Variants in GOLPH3 observed in about 807,000 individuals in gnomAD.
GOLPH3 encodes the protein coat protein GPP34.
A neutral mutation model predicts 28.5 loss-of-function variants in GOLPH3; 14 were observed. The ratio of observed to expected loss-of-function variants is 0.49; its 90% CI spans 0.32 to 0.77. The LOEUF is 0.77. GOLPH3 is among the 30% of genes least tolerant of loss of function. The probability of loss-of-function intolerance (pLI) is 0.03; values close to 1 mark genes in which losing one functional copy is unlikely to be tolerated. For synonymous variants in GOLPH3, 158 were observed against 159.2 expected (o/e 0.99, Z 0.06); for missense variants, 350 against 393.7 (o/e 0.89, Z 0.94).
chr5:32,148,624 C>G (rs1170800586), intron 1 of GOLPH3, among the ~76,000 whole-genome samples: 1 of 152,098 alleles, frequency 6.6e-6, no homozygotes, highest in Non-Finnish European at 1.5e-5. Context: ...GGTGAAACCC[C>G]ATCTCTACTA....
chr5:32,127,934 G>A (rs951973143), intron 3 of GOLPH3, among the ~76,000 whole-genome samples: 8 of 152,014 alleles, frequency 5.3e-5, no homozygotes, highest in Admixed American at 2.0e-4. Context: ...CTAGAGGCAC[G>A]TCCCAGGCAG....
At chr5:32,160,409 T>C (rs1392158836) in intron 1 of GOLPH3, among the ~76,000 whole-genome samples, 1 of 152,122 alleles carries the variant, frequency 6.6e-6, no homozygotes, top group African/African-American at 2.4e-5. Context: ...TAATTTTAAC[T>C]CAATAAACTC....
intron 3 of GOLPH3, among the ~76,000 whole-genome samples, chr5:32,134,360 TA>T (rs1745887348): frequency 6.6e-6 from 1 of 151,942 alleles, no homozygotes; most frequent in Non-Finnish European, 1.5e-5. Context: ...CATGTGCCAC[TA>T]TGTCTGGCTA....
chr5:32,142,478 G>GC (rs1393253432), intron 2 of GOLPH3, among the ~76,000 whole-genome samples: 1 of 149,826 alleles, frequency 6.7e-6, no homozygotes. Context: ...GAGGTGGGGG[G>GC]GTCAGCCCCC....
At chr5:32,156,967 A>G (rs1746445154) in intron 1 of GOLPH3, among the ~76,000 whole-genome samples, 1 of 152,222 alleles carries the variant, frequency 6.6e-6, no homozygotes, top group Non-Finnish European at 1.5e-5. Context: ...TAACTAAATA[A>G]TGATTGGATT....
chr5:32,163,326 G>T (rs1200043532), intron 1 of GOLPH3, among the ~76,000 whole-genome samples: 1 of 152,168 alleles, frequency 6.6e-6, no homozygotes, highest in Non-Finnish European at 1.5e-5. Context: ...TCACTTTATT[G>T]AAATCATTCG....
intron 3 of GOLPH3, among the ~76,000 whole-genome samples, chr5:32,134,362 T>C (rs1165698601): frequency 6.6e-6 from 1 of 151,964 alleles, no homozygotes; most frequent in Non-Finnish European, 1.5e-5. Context: ...TGTGCCACTA[T>C]GTCTGGCTAA....
chr5:32,159,941 C>CA (rs1393742343), intron 1 of GOLPH3, among the ~76,000 whole-genome samples: 1 of 152,194 alleles, frequency 6.6e-6, no homozygotes, highest in Non-Finnish European at 1.5e-5. Flanking sequence ...GACATTTTGA[C>CA]AAGTCCTATG....
At chr5:32,130,637 G>A (rs1745808001) in intron 3 of GOLPH3, among the ~76,000 whole-genome samples, 1 of 152,004 alleles carries the variant, frequency 6.6e-6, no homozygotes, top group South Asian at 2.1e-4. Flanking sequence ...AAAAAGTCAA[G>A]AAACGAATTA....
intron 2 of GOLPH3, among the ~76,000 whole-genome samples, chr5:32,141,506 T>C (rs161529): frequency 2.0e-5 from 3 of 152,118 alleles, no homozygotes; most frequent in East Asian, 1.9e-4. Context: ...TATGCGTAAA[T>C]TGCACAATAA....
At chr5:32,130,619 AG>A (rs1745807307) in intron 3 of GOLPH3, among the ~76,000 whole-genome samples, 1 of 152,194 alleles carries the variant, frequency 6.6e-6, no homozygotes, top group Non-Finnish European at 1.5e-5. Context: ...CAAACAACAG[AG>A]GGGAAAAAAA....
At chr5:32,170,007 G>T (rs1746795695) in intron 1 of GOLPH3, among the ~76,000 whole-genome samples, 1 of 151,472 alleles carries the variant, frequency 6.6e-6, no homozygotes, top group Admixed American at 6.6e-5. Flanking sequence ...CTCCTAACAG[G>T]TAATCTGAAG....
At chr5:32,135,488 T>A (rs145583939) in intron 3 of GOLPH3, 84 bp downstream of exon 3, 3 of 808,708 alleles carry the variant, frequency 3.7e-6, no homozygotes, top group Non-Finnish European at 6.3e-6. Flanking sequence ...TTCTGGCTAT[T>A]TTGTGTAGGT....
At chr5:32,141,972 A>C (rs1426264454) in intron 2 of GOLPH3, among the ~76,000 whole-genome samples, 1 of 152,102 alleles carries the variant, frequency 6.6e-6, no homozygotes, top group Non-Finnish European at 1.5e-5. Flanking sequence ...ACCTCCCAGC[A>C]GCCTGCCTTG....
chr5:32,159,507 C>T (rs1164263379), intron 1 of GOLPH3, among the ~76,000 whole-genome samples: 4 of 152,156 alleles, frequency 2.6e-5, no homozygotes, highest in Non-Finnish European at 5.9e-5. Flanking sequence ...CTTTCCACAC[C>T]TGCCACTGAT....
intron 2 of GOLPH3, among the ~76,000 whole-genome samples, chr5:32,137,792 C>T (rs1309484578): frequency 6.6e-6 from 1 of 152,116 alleles, no homozygotes; most frequent in Non-Finnish European, 1.5e-5. Flanking sequence ...ACGTTGTTGG[C>T]TAAGCTATAA....
chr5:32,144,408 T>G (rs1746146295), intron 1 of GOLPH3, among the ~76,000 whole-genome samples: 1 of 152,166 alleles, frequency 6.6e-6, no homozygotes, highest in Non-Finnish European at 1.5e-5. Context: ...CTGGACAACA[T>G]AGTGAGATCC....
At chr5:32,140,464 A>G (rs1421378376) in intron 2 of GOLPH3, among the ~76,000 whole-genome samples, 2 of 152,192 alleles carry the variant, frequency 1.3e-5, no homozygotes, top group East Asian at 3.9e-4. Context: ...AGCCTGACCA[A>G]TATGGTGAAA....
intron 1 of GOLPH3, among the ~76,000 whole-genome samples, chr5:32,157,245 T>C (rs1746451107): frequency 6.6e-6 from 1 of 152,124 alleles, no homozygotes; most frequent in Non-Finnish European, 1.5e-5. Context: ...CAAGTAACTT[T>C]TCATCATCCT....
Sources: allele counts gnomAD v4.1 joint callset (sites outside exome capture counted in the v4.1 genomes callset), GRCh38; gene constraint gnomAD v4.1.1; transcripts MANE v1.5; gene names NCBI Gene and HGNC (gene_info 2026-07-23, HGNC 2026-07-21).